The following CFAP20DC variants were observed in gnomAD, a reference collection of about 807,000 sequenced individuals.
CFAP20DC encodes CFAP20 domain containing.
CFAP20DC carries 84 observed loss-of-function variants against 101.7 expected under a neutral mutation model. The ratio of observed to expected loss-of-function variants is 0.83; its 90% CI spans 0.69 to 0.99. The LOEUF is 0.99. Ranked by LOEUF, CFAP20DC falls within the 50% of genes least tolerant of loss-of-function variation. CFAP20DC has a pLI of 0.00. For synonymous variants in CFAP20DC, 359 were observed against 351.2 expected (o/e 1.02, Z -0.25); for missense variants, 1,007 against 970.3 (o/e 1.04, Z -0.50).
At chr3:58,916,335 C>A (rs958444158) in intron 5 of CFAP20DC, among the ~76,000 whole-genome samples, 4 of 152,056 alleles carry the variant, frequency 2.6e-5, no homozygotes, top group African/African-American at 9.7e-5. Context: ...GGTTACACCA[C>A]CAGCTCTGCT....
intron 4 of CFAP20DC, among the ~76,000 whole-genome samples, chr3:58,994,543 T>C (rs2093049106): frequency 6.6e-6 from 1 of 152,216 alleles, no homozygotes; most frequent in Non-Finnish European, 1.5e-5. Flanking sequence ...TCTTTAAAAC[T>C]GTGTTCTTCT....
chr3:58,884,971 T>C (rs942230705), intron 6 of CFAP20DC, among the ~76,000 whole-genome samples: 8 of 152,160 alleles, frequency 5.3e-5, no homozygotes, highest in Admixed American at 2.0e-4. Flanking sequence ...AATAAGAGCA[T>C]GCATTGGAAA....
chr3:58,933,082 C>G (rs1015906281), intron 5 of CFAP20DC, among the ~76,000 whole-genome samples: 1 of 151,946 alleles, frequency 6.6e-6, no homozygotes, highest in African/African-American at 2.4e-5. Context: ...GGAAGATCTA[C>G]CAAGCAAATG....
intron 12 of CFAP20DC, chr3:58,862,699 T>C (rs1268197658): frequency 8.2e-6 from 8 of 972,794 alleles, no homozygotes; most frequent in African/African-American, 1.8e-5. Context: ...TGTGGGCACA[T>C]ATAAAAAGGT....
intron 14 of CFAP20DC, among the ~76,000 whole-genome samples, chr3:58,831,472 C>A (rs555030745): frequency 6.6e-6 from 1 of 152,218 alleles, no homozygotes; most frequent in Non-Finnish European, 1.5e-5. Context: ...ATCATATATA[C>A]ATTTTCTGAA....
At chr3:59,004,973 G>C (rs1357185159) in intron 4 of CFAP20DC, among the ~76,000 whole-genome samples, 1 of 152,124 alleles carries the variant, frequency 6.6e-6, no homozygotes, top group Non-Finnish European at 1.5e-5. Flanking sequence ...GGATAGCCCT[G>C]ATTTTTTACC....
rs529582417 is a variant in CFAP20DC, at chr3:58,816,058, C to A, written c.2176-9602G>T. ...TCATGCTGCTATAAAGACACATGCACACGTATATTTATTGTGGCATTATTC... is the reference window on the plus strand; with the variant it reads ...TCATGCTGCTATAAAGACACATGCAAACGTATATTTATTGTGGCATTATTC... On this transcript the variant is annotated intron_variant, in intron 14 of 16. Transcript: ENST00000482387. 2.1e-3 allele frequency among the ~76,000 whole-genome samples: 315 copies of A among 151,876 alleles called. 12 individuals are homozygous for A. Among genetic ancestry groups the A allele is most frequent in the African/African-American group, 7.4e-3 (306 of 41,254 alleles).
At position 59,015,600 on chromosome 3, in the gene CFAP20DC, C is replaced by A. The variant is rs2093672681; in HGVS notation, c.278+23957G>T. On this transcript the variant is annotated intron_variant, in intron 4 of 16. Coordinates refer to ENST00000482387, the MANE Select transcript of CFAP20DC (RefSeq NM_001394063.1). This position sits in a 1 kb window ranked among gnomAD's most constrained non-coding sequence, Gnocchi z 5.4. ...TGGAGGAGGAAGAAGGGCTATAGATCCCTAGAAACAGCATATCTAATCCTC... is the reference window on the plus strand; with the variant it reads ...TGGAGGAGGAAGAAGGGCTATAGATACCTAGAAACAGCATATCTAATCCTC... Among the ~76,000 whole-genome samples the A allele has an allele frequency of 6.6e-6, 1 of 151,968 alleles. No homozygotes were observed. The highest frequency in any genetic ancestry group is 2.1e-4 in the South Asian group (1 of 4,818).
At position 58,724,289 on chromosome 3, in the gene CFAP20DC, A is replaced by G. The variant is rs76762703; in HGVS notation, c.198-6661T>C. On this transcript the variant is annotated intron_variant, in intron 3 of 3. Coordinates refer to the CFAP20DC transcript ENST00000486145. The surrounding 1 kb of genome is among the most constrained non-coding windows in gnomAD (Gnocchi z 5.6). Reference sequence around the variant, plus strand: ...ATCTTGGGAGCAGCAGTGTTGGGAAAAGGGCTTGTGGGGTGCCTGTATAAA... The same window carrying G: ...ATCTTGGGAGCAGCAGTGTTGGGAAGAGGGCTTGTGGGGTGCCTGTATAAA... Among the ~76,000 whole-genome samples the G allele has an allele frequency of 0.058, 8,856 of 152,238 alleles. 538 individuals are homozygous for G. The highest frequency in any genetic ancestry group is 0.36 in the East Asian group (1,851 of 5,140).
chr3:59,041,178 T>C (rs1045903347), intron 3 of CFAP20DC, among the ~76,000 whole-genome samples: 1 of 152,036 alleles, frequency 6.6e-6, no homozygotes, highest in African/African-American at 2.4e-5. Context: ...ATAAGTGAAA[T>C]CAGTCTTTAA....
intron 5 of CFAP20DC, among the ~76,000 whole-genome samples, chr3:58,918,341 T>A (rs2084961655): frequency 6.6e-6 from 1 of 152,148 alleles, no homozygotes; most frequent in Non-Finnish European, 1.5e-5. Flanking sequence ...TTTAGCTTCA[T>A]CAATCTTCAT....
At chr3:58,785,927 C>T (rs917541688) in intron 15 of CFAP20DC, among the ~76,000 whole-genome samples, 6 of 152,128 alleles carry the variant, frequency 3.9e-5, no homozygotes, top group Non-Finnish European at 7.4e-5. Context: ...AACCTCACTC[C>T]ATTGGTTTCC....
Position 58,742,620 on chromosome 3 carries a change from G to T in CFAP20DC, c.2333-48C>A, listed in dbSNP as rs1361840017. 6 of 1,435,616 alleles carry T rather than the reference G, an allele frequency of 4.2e-6. No individual in the cohort carries two copies. In the East Asian group the frequency reaches 9.7e-5, roughly 23 times the overall value. The allele number at this position is 1,435,616 out of a possible 1,614,324, so 88.9% of individuals were successfully genotyped here. On this transcript the variant is annotated intron_variant, in intron 16 of 16. Coordinates refer to ENST00000482387, the MANE Select transcript of CFAP20DC (RefSeq NM_001394063.1). ...ACACATTAGCTGTTGGCTTGGCCCG[G>T]AATCCCCAAACAAGGGCAACGAAGC... is the stretch of plus-strand genomic sequence containing the variant.
rs1245707149 is a variant in CFAP20DC at position 58,892,761 on chromosome 3, G to A, written c.551-8052C>T. The stretch of plus-strand genomic sequence containing the variant: ...AGATGATGCGGTTTTCTAGATATAG[G>A]ATCATGTCATCTGCAAAAAGGTAAT... On this transcript the variant is annotated intron_variant, in intron 6 of 16. Coordinates refer to ENST00000482387, the MANE Select transcript of CFAP20DC (RefSeq NM_001394063.1). This position sits in a 1 kb window ranked among gnomAD's most constrained non-coding sequence, Gnocchi z 4.0. Among the ~76,000 whole-genome samples, 3 of 152,138 alleles carry A rather than the reference G, an allele frequency of 2.0e-5. No individual in the cohort carries two copies. The highest frequency in any genetic ancestry group is 7.2e-5 in the African/African-American group (3 of 41,432).
intron 2 of CFAP20DC, 148 bp downstream of exon 2, chr3:59,047,017 A>G: frequency 1.6e-6 from 1 of 611,936 alleles, no homozygotes; most frequent in Non-Finnish European, 2.9e-6. Flanking sequence ...AGTGGTGTCC[A>G]GGACAGCTGC....
In CFAP20DC at chr3:58,992,476, C is replaced by A. The variant is rs1309424945; in HGVS notation, c.278+47081G>T. ...TTGAATGACATATTGGTCAGAAAAA[C>A]AAGAAATTAAAATGAAAGAAAAAAA... On this transcript the variant is annotated intron_variant, in intron 4 of 16. Transcript: ENST00000482387. 5.3e-6 allele frequency: 4 copies of A among 749,686 alleles called. No homozygotes were observed. In the African/African-American group the frequency reaches 7.6e-5, roughly 14 times the overall value. 46.4% of individuals were successfully genotyped at this position (749,686 alleles called of 1,614,324 possible). A position where few individuals can be genotyped will look rare whatever the true frequency, so the allele number is the denominator to read the frequency against.
intron 14 of CFAP20DC, among the ~76,000 whole-genome samples, chr3:58,820,964 G>C (rs1256873811): frequency 6.6e-6 from 1 of 150,514 alleles, no homozygotes; most frequent in African/African-American, 2.5e-5. Flanking sequence ...CAATGGAACA[G>C]AATAGAGCCC....
At chr3:58,794,837 C>T (rs1287439676) in intron 15 of CFAP20DC, among the ~76,000 whole-genome samples, 2 of 152,168 alleles carry the variant, frequency 1.3e-5, no homozygotes, top group Admixed American at 6.5e-5. Context: ...ATAGTAGGTA[C>T]TTCAAAAATA....
At chr3:59,023,099 T>C (rs937749848) in intron 4 of CFAP20DC, among the ~76,000 whole-genome samples, 1 of 151,864 alleles carries the variant, frequency 6.6e-6, no homozygotes, top group African/African-American at 2.4e-5. Context: ...GAACTAAGAG[T>C]TGAGAAAAGG....
Sources: allele counts gnomAD v4.1 joint callset (sites outside exome capture counted in the v4.1 genomes callset), GRCh38; gene constraint gnomAD v4.1.1; non-coding constraint Gnocchi (gnomAD v3.1); transcripts MANE v1.5; gene names NCBI Gene and HGNC (gene_info 2026-07-23, HGNC 2026-07-21).